Variants in IGFBP7 observed in about 807,000 individuals in gnomAD.
The protein encoded by IGFBP7 is insulin-like growth factor-binding protein 7.
In IGFBP7, 31 loss-of-function variants were observed where a neutral mutation model predicts 29.4. That is an observed-to-expected ratio of 1.05 (90% confidence interval 0.79 to 1.42). The LOEUF (loss-of-function observed/expected upper bound fraction) is 1.42. Ranked by LOEUF, IGFBP7 falls within the 40% of genes most tolerant of loss-of-function variation. The pLI is 0.00. For synonymous variants in IGFBP7, 172 were observed against 174.9 expected, an observed-to-expected ratio of 0.98 and a Z score of 0.13; for missense variants, 393 against 395.5, an observed-to-expected ratio of 0.99 and a Z score of 0.05.
intron 1 of IGFBP7, among the ~76,000 whole-genome samples, chr4:57,071,191 G>A (rs976577817): frequency 2.7e-5 from 4 of 146,668 alleles, no homozygotes; most frequent in Non-Finnish European, 6.1e-5. Flanking sequence ...TGAAAACACT[G>A]TTTTTGATAT....
chr4:57,078,247 T>C (rs2109783581), intron 1 of IGFBP7, among the ~76,000 whole-genome samples: 1 of 152,160 alleles, frequency 6.6e-6, no homozygotes, highest in East Asian at 1.9e-4. Context: ...GTTCGTACTG[T>C]CTCCTATTTT....
intron 2 of IGFBP7, among the ~76,000 whole-genome samples, chr4:57,037,047 C>G (rs1724098741): frequency 6.6e-6 from 1 of 152,138 alleles, no homozygotes; most frequent in African/African-American, 2.4e-5. Context: ...CTGGAATATA[C>G]AAAAGTTTTA....
chr4:57,044,145 G>A (rs1724300704), intron 1 of IGFBP7, among the ~76,000 whole-genome samples: 1 of 152,314 alleles, frequency 6.6e-6, no homozygotes, highest in Non-Finnish European at 1.5e-5. Context: ...TTTATTGTGA[G>A]GATCTGAGGG....
intron 1 of IGFBP7, among the ~76,000 whole-genome samples, chr4:57,076,526 G>A (rs4865175): frequency 0.039 from 5,875 of 152,280 alleles, 141 homozygotes; most frequent in South Asian, 0.074. Context: ...GGTCACCTTC[G>A]TGTAAGCGTA....
chr4:57,038,905 G>GA (rs1724149786), intron 2 of IGFBP7, among the ~76,000 whole-genome samples: 1 of 151,876 alleles, frequency 6.6e-6, no homozygotes, highest in South Asian at 2.1e-4. Context: ...TGTCTCTACT[G>GA]AAAATACAAA....
chr4:57,109,432 TAA>T (rs541778092), intron 1 of IGFBP7, among the ~76,000 whole-genome samples: 1 of 149,816 alleles, frequency 6.7e-6, no homozygotes, highest in African/African-American at 2.5e-5. Context: ...TCCTATCTTT[TAA>T]AAAAAAAAGT....
intron 1 of IGFBP7, among the ~76,000 whole-genome samples, chr4:57,060,601 T>C (rs1245372697): frequency 1.3e-5 from 2 of 152,186 alleles, no homozygotes; most frequent in African/African-American, 4.8e-5. Context: ...TGCTTTAATG[T>C]TTAACTTATA....
At chr4:57,044,896 GA>G (rs1246806576) in intron 1 of IGFBP7, among the ~76,000 whole-genome samples, 1 of 152,096 alleles carries the variant, frequency 6.6e-6, no homozygotes, top group African/African-American at 2.4e-5. Flanking sequence ...TTTTTGTAGA[GA>G]CAGAGTCTTG....
intron 1 of IGFBP7, among the ~76,000 whole-genome samples, chr4:57,051,792 C>T (rs1038393397): frequency 6.6e-6 from 1 of 152,198 alleles, no homozygotes; most frequent in African/African-American, 2.4e-5. Context: ...ATTAGACCAT[C>T]AAAAGGATCA....
In IGFBP7 at chr4:57,032,571, C is replaced by G. The variant is rs751459864; in HGVS notation, c.703-19G>C. ...GAGATACCTGTGAAAGAAAAAAGAT[C>G]TAGTATTCCTCTGTGGTGGTCTTCT... On this transcript the variant is annotated intron_variant, in intron 3 of 4. Coordinates refer to ENST00000295666, the MANE Select transcript of IGFBP7 (RefSeq NM_001553.3). 6.3e-6 allele frequency: 10 copies of G among 1,579,818 alleles called. No individual in the cohort carries two copies. Among genetic ancestry groups the G allele is most frequent in the Non-Finnish European group, 8.7e-6 (10 of 1,148,696 alleles).
At chr4:57,049,874 G>A (rs561597331) in intron 1 of IGFBP7, among the ~76,000 whole-genome samples, 1 of 152,304 alleles carries the variant, frequency 6.6e-6, no homozygotes, top group East Asian at 1.9e-4. Flanking sequence ...CCAAACAGAA[G>A]TGAAAAGATA....
chr4:57,109,782 G>C, intron 1 of IGFBP7, 95 bp downstream of exon 1: 1 of 1,389,056 alleles, frequency 7.2e-7, no homozygotes, highest in Non-Finnish European at 9.5e-7. Flanking sequence ...ATCGCAGTGA[G>C]CAGCGCGGGG....
chr4:57,074,139 C>T (rs1482787509), intron 1 of IGFBP7, among the ~76,000 whole-genome samples: 3 of 152,198 alleles, frequency 2.0e-5, no homozygotes, highest in Non-Finnish European at 4.4e-5. Context: ...CAGCTCACTA[C>T]AACCTCCACC....
At chr4:57,063,515 A>C (rs1453082186) in intron 1 of IGFBP7, among the ~76,000 whole-genome samples, 1 of 152,250 alleles carries the variant, frequency 6.6e-6, no homozygotes, top group East Asian at 1.9e-4. Context: ...GAAGGTTTAA[A>C]TAACAAGAGT....
intron 1 of IGFBP7, among the ~76,000 whole-genome samples, chr4:57,055,996 A>C (rs569685501): frequency 6.6e-6 from 1 of 151,930 alleles, no homozygotes; most frequent in African/African-American, 2.4e-5. Context: ...GTACTTGCGT[A>C]TGTTTTTACC....
intron 1 of IGFBP7, among the ~76,000 whole-genome samples, chr4:57,101,602 GC>G (rs1725897934): frequency 6.6e-6 from 1 of 152,112 alleles, no homozygotes; most frequent in African/African-American, 2.4e-5. Context: ...ATATCATTTT[GC>G]CATTAATCCA....
At chr4:57,070,775 C>T (rs991741621) in intron 1 of IGFBP7, among the ~76,000 whole-genome samples, 14 of 152,124 alleles carry the variant, frequency 9.2e-5, no homozygotes, top group Non-Finnish European at 1.8e-4. Context: ...ACAAACTGGC[C>T]GCAGGGGTAA....
intron 1 of IGFBP7, among the ~76,000 whole-genome samples, chr4:57,099,745 T>A (rs1725847891): frequency 6.6e-6 from 1 of 152,194 alleles, no homozygotes; most frequent in South Asian, 2.1e-4. Flanking sequence ...TTTTCCTATT[T>A]TTTGAGACAG....
chr4:57,110,230 G>A lies in IGFBP7; in HGVS notation c.122C>T (p.Pro41Leu), dbSNP rs1726160408. Residue 41 changes from proline (P) to leucine (L), a missense_variant, in exon 1 of 5, where the codon CCG becomes CTG. Coordinates refer to ENST00000295666, the MANE Select transcript of IGFBP7 (RefSeq NM_001553.3). ...TCGPCEPASC[P>L]PLPPLGCLLG... ...CAGGCAGCCCAGCGGGGGCAGGGGCGGGCAGGAGGCCGGCTCGCAGGGGCC... is the reference window on the plus strand; with the variant it reads ...CAGGCAGCCCAGCGGGGGCAGGGGCAGGCAGGAGGCCGGCTCGCAGGGGCC... The A allele has an allele frequency of 1.4e-6, 2 of 1,381,482 alleles. No homozygotes were observed. The highest frequency in any genetic ancestry group is 1.7e-5 in the South Asian group (1 of 59,548). 85.6% of individuals were successfully genotyped at this position (1,381,482 alleles called of 1,614,324 possible).
Sources: gnomAD v4.1 joint callset for allele counts (sites outside exome capture counted in the v4.1 genomes callset) on GRCh38, gnomAD v4.1.1 for gene constraint, MANE v1.5 for transcripts, NCBI Gene and HGNC (gene_info 2026-07-23, HGNC 2026-07-21) for gene names.